Variants in ST7L observed in about 807,000 individuals in gnomAD.
ST7L encodes the protein suppressor of tumorigenicity 7 protein-like.
In ST7L, 57 loss-of-function variants were observed where a neutral mutation model predicts 72.5. That is an observed-to-expected ratio of 0.79 (90% confidence interval 0.64 to 0.98). The LOEUF is 0.98. Among genes scored for constraint, ST7L ranks in the 50% least tolerant of loss-of-function variants. ST7L has a pLI of 0.00. For synonymous variants in ST7L, 221 were observed against 240.9 expected, an observed-to-expected ratio of 0.92 and a Z score of 0.77; for missense variants, 576 against 672.2, an observed-to-expected ratio of 0.86 and a Z score of 1.58.
chr1:112,599,799 A>C (rs1221872781), intron 4 of ST7L, among the ~76,000 whole-genome samples: 1 of 152,232 alleles, frequency 6.6e-6, no homozygotes, highest in Non-Finnish European at 1.5e-5. Flanking sequence ...AATGTATACA[A>C]TGTATACTTA....
intron 2 of ST7L, among the ~76,000 whole-genome samples, chr1:112,611,969 C>CA (rs146893029): frequency 0.011 from 760 of 71,180 alleles, 17 homozygotes; most frequent in South Asian, 0.025. Flanking sequence ...GACCCTGTCT[C>CA]AAAAAAAAAA....
intron 12 of ST7L, among the ~76,000 whole-genome samples, chr1:112,555,212 A>T (rs1259085431): frequency 8.9e-6 from 1 of 112,176 alleles, no homozygotes; most frequent in Non-Finnish European, 1.9e-5. Context: ...ACATCGGAAA[A>T]CAAAACAAAA....
chr1:112,542,171 T>C (rs1656209131), intron 13 of ST7L, 81 bp from the exon 14 acceptor site: 1 of 1,353,328 alleles, frequency 7.4e-7, no homozygotes, highest in Non-Finnish European at 9.8e-7. Flanking sequence ...ATGAAATCTG[T>C]TTTTAAAAAT....
chr1:112,582,375 A>C lies in ST7L; in HGVS notation c.954T>G (p.Asp318Glu). 2 of 1,594,880 alleles carry C rather than the reference A, an allele frequency of 1.3e-6. No homozygotes were observed. The highest frequency in any genetic ancestry group is 2.2e-5 in the South Asian group (2 of 90,094). ...RIREAVKIMR[D>E]LMKEFPPLTM... ...ATAGTCCCATCATCAATTTACTTACATCTCTCATTATTTTTACTGCTTCTC... is the reference window on the plus strand; with the variant it reads ...ATAGTCCCATCATCAATTTACTTACCTCTCTCATTATTTTTACTGCTTCTC... Residue 318 changes from aspartate (D) to glutamate (E), a missense_variant and splice_region_variant, in exon 8 of 15, where the codon GAT becomes GAG. Coordinates refer to ENST00000358039, the MANE Select transcript of ST7L (RefSeq NM_017744.5).
At chr1:112,555,193 A>C (rs1052132074) in intron 12 of ST7L, among the ~76,000 whole-genome samples, 2 of 149,876 alleles carry the variant, frequency 1.3e-5, no homozygotes, top group African/African-American at 4.9e-5. Context: ...AAATAGTTTC[A>C]TATTGTATAC....
chr1:112,556,193 A>G (rs1376383638), intron 11 of ST7L, among the ~76,000 whole-genome samples, 175 bp from the exon 12 acceptor site: 1 of 152,232 alleles, frequency 6.6e-6, no homozygotes, highest in Admixed American at 6.5e-5. Context: ...AAATGCTTAT[A>G]TACGCAAATT....
intron 3 of ST7L, among the ~76,000 whole-genome samples, chr1:112,606,265 G>C (rs1216085104): frequency 1.3e-5 from 2 of 152,130 alleles, no homozygotes; most frequent in Non-Finnish European, 1.5e-5. Flanking sequence ...CTTAACAAGG[G>C]CTTCTCCTAT....
intron 11 of ST7L, among the ~76,000 whole-genome samples, chr1:112,557,056 T>A (rs1379495086): frequency 2.6e-5 from 4 of 151,608 alleles, no homozygotes; most frequent in Non-Finnish European, 5.9e-5. Flanking sequence ...AGGTATTAAT[T>A]TTTTTAATTT....
chr1:112,613,134 A>C (rs1669326992), intron 2 of ST7L, among the ~76,000 whole-genome samples: 1 of 151,826 alleles, frequency 6.6e-6, no homozygotes, highest in Admixed American at 6.6e-5. Context: ...AAAAAAAGAG[A>C]AGATAAGTAC....
intron 11 of ST7L, among the ~76,000 whole-genome samples, chr1:112,576,751 G>C (rs775644390): frequency 2.0e-5 from 3 of 152,146 alleles, no homozygotes; most frequent in Non-Finnish European, 2.9e-5. Flanking sequence ...AGTGAACACA[G>C]TTCAAATTAT....
At position 112,602,751 on chromosome 1, in the gene ST7L, T is replaced by C. The variant is rs188765260; in HGVS notation, c.452-1903A>G. The stretch of plus-strand genomic sequence containing the variant: ...TTTTTTTTGAGACGGAGTCTCTCTC[T>C]GTCGCCCAGGCTGGAGTGCAATGGT... On this transcript the variant is annotated intron_variant, in intron 3 of 14. Transcript: ENST00000358039. Among the ~76,000 whole-genome samples the C allele has an allele frequency of 6.4e-4, 94 of 147,190 alleles. No homozygotes were observed. In the East Asian group the frequency reaches 0.014, roughly 21 times the overall value.
At chr1:112,574,278 A>C (rs574460283) in intron 11 of ST7L, among the ~76,000 whole-genome samples, 13 of 140,560 alleles carry the variant, frequency 9.2e-5, no homozygotes, top group African/African-American at 3.5e-4. Flanking sequence ...GTGTAATGGC[A>C]CTATCTCGGC....
upstream of ST7L, chr1:112,619,606 G>A: frequency 1.8e-6 from 1 of 562,248 alleles, no homozygotes; most frequent in Non-Finnish European, 3.2e-6. Flanking sequence ...TGGGAAATGA[G>A]TGTAACTCAT....
At chr1:112,551,679 C>T (rs1040859322) in intron 12 of ST7L, among the ~76,000 whole-genome samples, 1 of 152,164 alleles carries the variant, frequency 6.6e-6, no homozygotes, top group Non-Finnish European at 1.5e-5. Context: ...AAAGTTTGTC[C>T]ACCCCGATCT....
intron 10 of ST7L, among the ~76,000 whole-genome samples, chr1:112,577,830 T>C (rs922944819): frequency 6.6e-6 from 1 of 152,124 alleles, no homozygotes; most frequent in African/African-American, 2.4e-5. Context: ...TGGCCACTAT[T>C]TGGTTGGTTT....
At chr1:112,531,200 T>C (rs1654330110) in intron 14 of ST7L, among the ~76,000 whole-genome samples, 1 of 152,230 alleles carries the variant, frequency 6.6e-6, no homozygotes, top group East Asian at 1.9e-4. Context: ...TATTAATCTG[T>C]CATTATTAGG....
chr1:112,530,295 A>G (rs982685377), intron 14 of ST7L: 14 of 152,206 alleles, frequency 9.2e-5, no homozygotes, highest in African/African-American at 3.4e-4. Context: ...GTAGTTTAGA[A>G]TTTAGCCTTG....
intron 13 of ST7L, among the ~76,000 whole-genome samples, chr1:112,549,954 A>T (rs1657836938): frequency 2.0e-5 from 3 of 152,182 alleles, no homozygotes; most frequent in Admixed American, 6.6e-5. Context: ...AATCAGGTTG[A>T]GGAAGTACCC....
At chr1:112,547,561 CTT>C (rs59755766) in intron 13 of ST7L, among the ~76,000 whole-genome samples, 116 of 62,014 alleles carry the variant, frequency 1.9e-3, no homozygotes, top group African/African-American at 6.2e-3. Context: ...TCTTTGTCAT[CTT>C]TTTTTTTTTT....
Sources: allele counts gnomAD v4.1 joint callset (sites outside exome capture counted in the v4.1 genomes callset), GRCh38; gene constraint gnomAD v4.1.1; transcripts MANE v1.5; gene names NCBI Gene and HGNC (gene_info 2026-07-23, HGNC 2026-07-21).